The following PHF14 variants were observed in gnomAD, a reference collection of about 807,000 sequenced individuals.
PHF14 encodes PHD finger protein 14.
PHF14 carries 55 observed loss-of-function variants against 117.9 expected under a neutral mutation model. That is an observed-to-expected ratio of 0.47 (90% CI 0.38 to 0.58). PHF14 has a LOEUF of 0.58. PHF14 is among the 20% of genes least tolerant of loss of function. The pLI is 0.00. For missense variants in PHF14, 978 were observed against 1,122.2 expected (o/e 0.87, Z 1.84); for synonymous variants, 409 against 368.6 (o/e 1.11, Z -1.26).
intron 16 of PHF14, chr7:11,110,111 C>T (rs1400240758): frequency 6.6e-6 from 1 of 151,860 alleles, no homozygotes; most frequent in Non-Finnish European, 1.5e-5. Context: ...TGTAGATTTA[C>T]AGTCCCTTTT....
At chr7:11,134,110 G>A (rs1032836750) in intron 17 of PHF14, among the ~76,000 whole-genome samples, 1 of 151,958 alleles carries the variant, frequency 6.6e-6, no homozygotes, top group African/African-American at 2.4e-5. Context: ...AGGCCTTGTG[G>A]TGGGGCTGTA....
intron 17 of PHF14, among the ~76,000 whole-genome samples, chr7:11,142,986 A>G (rs1220912524): frequency 6.6e-6 from 1 of 152,180 alleles, no homozygotes; most frequent in East Asian, 1.9e-4. Flanking sequence ...TGTACAGTGA[A>G]ATGTTTGCAT....
intron 14 of PHF14, among the ~76,000 whole-genome samples, chr7:11,053,766 G>A (rs972053523): frequency 1.3e-5 from 2 of 151,986 alleles, no homozygotes; most frequent in Non-Finnish European, 2.9e-5. Flanking sequence ...TAACATTAAA[G>A]GATCCTTCTA....
At position 10,990,705 on chromosome 7, in the gene PHF14, C is replaced by A; in HGVS notation, c.903C>A (p.Asp301Glu). The A allele has an allele frequency of 6.6e-7, 1 of 1,512,926 alleles. No individual in the cohort carries two copies. 93.7% of individuals were successfully genotyped at this position (1,512,926 alleles called of 1,614,324 possible). Residue 301 changes from aspartate (D) to glutamate (E), a missense_variant and splice_region_variant, in exon 4 of 18, where the codon GAC becomes GAA. Asp to Glu is a conservative substitution (Grantham distance 45). Around this residue, in one of 7 missense-constraint regions of PHF14, gnomAD observed 414 missense variants for 376.4 expected, o/e 1.10. Coordinates refer to ENST00000634607, the MANE Select transcript of PHF14 (RefSeq NM_001007157.2). Reference sequence around the variant, plus strand: ...ATATGTTAATATTTTAATATTAGGACTCGCTGATTCTTGAGAAGAGTCAAA... The same window carrying A: ...ATATGTTAATATTTTAATATTAGGAATCGCTGATTCTTGAGAAGAGTCAAA... Reference protein sequence around the residue: ...LTLSQSKSNEDSLILEKSQNW... With the variant: ...LTLSQSKSNEESLILEKSQNW...
chr7:11,045,261 G>A (rs1488517059), intron 13 of PHF14, among the ~76,000 whole-genome samples: 1 of 152,036 alleles, frequency 6.6e-6, no homozygotes, highest in Admixed American at 6.6e-5. Context: ...CTTTCATTAG[G>A]GAAAGGGTCC....
chr7:11,047,859 G>T (rs1371894446), intron 13 of PHF14, among the ~76,000 whole-genome samples: 3 of 122,814 alleles, frequency 2.4e-5, no homozygotes, highest in African/African-American at 9.1e-5. Flanking sequence ...GGGAGGGAGG[G>T]CGGGAAAAAG....
At chr7:11,003,691 A>C (rs1583351629) in intron 4 of PHF14, among the ~76,000 whole-genome samples, 1 of 152,214 alleles carries the variant, frequency 6.6e-6, no homozygotes, top group South Asian at 2.1e-4. Flanking sequence ...TACATTTAAC[A>C]TGAATCCCAT....
intron 17 of PHF14, among the ~76,000 whole-genome samples, chr7:11,116,951 T>C (rs1365266179): frequency 6.6e-6 from 1 of 151,946 alleles, no homozygotes; most frequent in African/African-American, 2.4e-5. Flanking sequence ...GACTTAGTAT[T>C]GTAATTTAAA....
intron 14 of PHF14, among the ~76,000 whole-genome samples, chr7:11,057,099 A>G (rs1408847663): frequency 2.6e-5 from 4 of 152,056 alleles, no homozygotes; most frequent in Non-Finnish European, 4.4e-5. Flanking sequence ...TGATATGTCA[A>G]CAAAAACACA....
intron 17 of PHF14, among the ~76,000 whole-genome samples, chr7:11,147,473 C>G (rs903328383): frequency 6.6e-6 from 1 of 152,132 alleles, no homozygotes; most frequent in Non-Finnish European, 1.5e-5. Flanking sequence ...TCTTTGGTCC[C>G]CATTACTCCA....
intron 16 of PHF14, chr7:11,105,252 G>T: frequency 1.0e-6 from 1 of 956,540 alleles, no homozygotes; most frequent in Non-Finnish European, 1.2e-6. Context: ...ATTGTCATTC[G>T]TTGTTGCTTA....
At chr7:10,999,677 G>T (rs1262651069) in intron 4 of PHF14, among the ~76,000 whole-genome samples, 8 of 152,108 alleles carry the variant, frequency 5.3e-5, no homozygotes, top group Non-Finnish European at 2.9e-5. Flanking sequence ...TTCATAATAC[G>T]ACCCCTGCTT....
chr7:11,156,592 G>A (rs553532180), intron 17 of PHF14, among the ~76,000 whole-genome samples: 36 of 152,210 alleles, frequency 2.4e-4, no homozygotes, highest in Non-Finnish European at 4.6e-4. Flanking sequence ...TCGGGAGTTC[G>A]AGACCAGCCT....
chr7:11,168,499 G>A (rs149283313), intron 17 of PHF14, among the ~76,000 whole-genome samples: 1,704 of 152,138 alleles, frequency 0.011, 28 homozygotes, highest in African/African-American at 0.039. Flanking sequence ...GATTTAATTT[G>A]GTTTCATCAG....
chr7:11,111,550 A>AGATAATTG, intron 17 of PHF14, 83 bp downstream of exon 17: 1 of 670,592 alleles, frequency 1.5e-6, no homozygotes, highest in Non-Finnish European at 2.6e-6. Flanking sequence ...GCTTCTTTAA[A>AGATAATTG]GATAATTGGA....
intron 16 of PHF14, among the ~76,000 whole-genome samples, chr7:11,083,778 C>T (rs561935630): frequency 6.6e-6 from 1 of 152,044 alleles, no homozygotes; most frequent in South Asian, 2.1e-4. Context: ...CTAATTTTAC[C>T]TAATGAGAAT....
chr7:11,061,737 C>T, intron 14 of PHF14, 54 bp from the exon 15 acceptor site: 3 of 1,275,376 alleles, frequency 2.4e-6, no homozygotes, highest in South Asian at 1.7e-5. Context: ...ATTAATTAAA[C>T]ATTAGATATA....
chr7:11,011,892 A>G (rs1187388492), intron 4 of PHF14, among the ~76,000 whole-genome samples: 2 of 152,174 alleles, frequency 1.3e-5, no homozygotes, highest in Non-Finnish European at 2.9e-5. Context: ...GTAGTTCAGC[A>G]TGGTTTTTTA....
At chr7:11,091,535 C>A (rs920711682) in intron 16 of PHF14, among the ~76,000 whole-genome samples, 4 of 152,100 alleles carry the variant, frequency 2.6e-5, no homozygotes, top group Non-Finnish European at 4.4e-5. Context: ...GTAGGCAGAT[C>A]AGTTGAGCCC....
Sources: allele counts gnomAD v4.1 joint callset (sites outside exome capture counted in the v4.1 genomes callset), GRCh38; gene constraint gnomAD v4.1.1; regional missense constraint gnomAD v4.1.1; transcripts MANE v1.5; gene names NCBI Gene and HGNC (gene_info 2026-07-23, HGNC 2026-07-21).